TEX9: variants seen among roughly 807,000 people sequenced by gnomAD.
TEX9 encodes the protein testis expressed 9.
In TEX9, 74 loss-of-function variants were observed where a neutral mutation model predicts 59.6. The observed-to-expected ratio is 1.24, with a 90% confidence interval of 1.03 to 1.51. The LOEUF (loss-of-function observed/expected upper bound fraction) is 1.51, where lower values mean the gene tolerates loss of function less well. TEX9 is among the 40% of genes most tolerant of loss of function. The pLI is 0.00. For missense variants in TEX9, 522 were observed against 447.8 expected (o/e 1.17, Z -1.49); for synonymous variants, 186 against 152.2 (o/e 1.22, Z -1.64).
intron 1 of TEX9, among the ~76,000 whole-genome samples, chr15:56,328,397 A>G (rs1399076252): frequency 6.6e-6 from 1 of 152,020 alleles, no homozygotes; most frequent in Non-Finnish European, 1.5e-5. Flanking sequence ...TGTGGTGACT[A>G]TGGTGATAAA....
chr15:56,281,079 A>G (rs1029045087), intron 1 of TEX9, among the ~76,000 whole-genome samples: 3 of 152,210 alleles, frequency 2.0e-5, no homozygotes, highest in African/African-American at 4.8e-5. Flanking sequence ...AAGAGGTTAA[A>G]TGACATCTGA....
chr15:56,283,850 G>C (rs1312371660), intron 1 of TEX9, among the ~76,000 whole-genome samples: 1 of 152,050 alleles, frequency 6.6e-6, no homozygotes, highest in Non-Finnish European at 1.5e-5. Flanking sequence ...TAAATTTGTT[G>C]AAACACTAAG....
intron 1 of TEX9, among the ~76,000 whole-genome samples, chr15:56,244,725 A>G (rs1412640691): frequency 6.6e-6 from 1 of 152,064 alleles, no homozygotes; most frequent in African/African-American, 2.4e-5. Flanking sequence ...AAACGCATGT[A>G]GTACTCACAA....
At chr15:56,380,705 C>G (rs1166271992) in intron 3 of TEX9, among the ~76,000 whole-genome samples, 2 of 152,024 alleles carry the variant, frequency 1.3e-5, no homozygotes, top group Admixed American at 1.3e-4. Context: ...AGGTTAAAAT[C>G]TATATTTTTT....
Position 56,330,772 on chromosome 15 carries a change from G to GA in TEX9, c.-106-42659dup, listed in dbSNP as rs202192979. Among the ~76,000 whole-genome samples the GA allele has an allele frequency of 1.2e-3, 177 of 145,944 alleles. 1 individual carries two copies. The highest frequency in any genetic ancestry group is 8.2e-3 in the East Asian group (41 of 5,016). On this transcript the variant is annotated intron_variant, in intron 1 of 5. Coordinates refer to the TEX9 transcript ENST00000560827. ...AGAAGAGAAGGCCACAAAACCACCA[G>GA]AAAAAAAAAATGGTTGGAGTAAGTT...
downstream of TEX9, among the ~76,000 whole-genome samples, chr15:56,450,453 C>G (rs185262674): frequency 9.2e-5 from 14 of 152,228 alleles, no homozygotes; most frequent in South Asian, 2.7e-3. Context: ...AATTCCTAAT[C>G]TGCATTTTGT....
At chr15:56,448,041 T>C (rs1428652188), downstream of TEX9, among the ~76,000 whole-genome samples, 1 of 152,232 alleles carries the variant, frequency 6.6e-6, no homozygotes, top group Non-Finnish European at 1.5e-5. Flanking sequence ...TGCTTATCTA[T>C]TCACATGCTG....
At chr15:56,302,110 T>C (rs1676639279) in intron 1 of TEX9, among the ~76,000 whole-genome samples, 1 of 152,236 alleles carries the variant, frequency 6.6e-6, no homozygotes, top group African/African-American at 2.4e-5. Flanking sequence ...TGTTTGCTTT[T>C]GTTAGCAGTG....
intron 1 of TEX9, among the ~76,000 whole-genome samples, chr15:56,253,591 G>C (rs1243944778): frequency 1.3e-5 from 2 of 152,100 alleles, no homozygotes; most frequent in Non-Finnish European, 2.9e-5. Flanking sequence ...GCTACTCTCA[G>C]AAGGGTTCTC....
At chr15:56,418,847 A>G (rs2049830446) in intron 10 of TEX9, among the ~76,000 whole-genome samples, 1 of 151,986 alleles carries the variant, frequency 6.6e-6, no homozygotes, top group African/African-American at 2.4e-5. Flanking sequence ...AACCAAGCCA[A>G]TAAATGCCTT....
chr15:56,383,955 G>C (rs768631114), exon 4 of TEX9: 1 of 1,609,906 alleles, frequency 6.2e-7, no homozygotes, highest in South Asian at 1.1e-5. Flanking sequence ...ATTTAAGAGA[G>C]ATCGGCAAGA....
At chr15:56,373,403 A>C in intron 2 of TEX9, 38 bp from the exon 3 acceptor site, 1 of 1,569,760 alleles carries the variant, frequency 6.4e-7, no homozygotes, top group Non-Finnish European at 8.6e-7. Flanking sequence ...TATTTTTGTT[A>C]AGATCTTCAG....
intron 1 of TEX9, among the ~76,000 whole-genome samples, chr15:56,304,071 A>C (rs558244347): frequency 2.8e-4 from 43 of 152,332 alleles, no homozygotes; most frequent in South Asian, 2.3e-3. Flanking sequence ...CAAACACTTA[A>C]AGAACTAATA....
chr15:56,365,311 C>T, upstream of TEX9: 1 of 1,194,518 alleles, frequency 8.4e-7, no homozygotes. Context: ...GCCGAGCCCG[C>T]TGCCAGAGGC....
intron 1 of TEX9, among the ~76,000 whole-genome samples, chr15:56,340,608 A>ACAG (rs2046354267): frequency 6.6e-6 from 1 of 152,156 alleles, no homozygotes; most frequent in Non-Finnish European, 1.5e-5. Context: ...CCTTAGATCA[A>ACAG]CAGACTCTCT....
At chr15:56,459,370 C>T in the TEX9 span, among the ~76,000 whole-genome samples, 2 of 152,150 alleles carry the variant, frequency 1.3e-5, no homozygotes, top group African/African-American at 4.8e-5. Flanking sequence ...AGCTGACTGG[C>T]ATCTGGGTTT....
intron 12 of TEX9, among the ~76,000 whole-genome samples, chr15:56,432,664 TTAGTCTGATTTC>T (rs1362667336): frequency 6.6e-6 from 1 of 152,214 alleles, no homozygotes; most frequent in East Asian, 1.9e-4. Flanking sequence ...CATTTAGTTT[TTAGTCTGATTTC>T]TAGTTAGTTG....
intron 1 of TEX9, among the ~76,000 whole-genome samples, chr15:56,322,450 G>A (rs1459544834): frequency 6.6e-6 from 1 of 152,140 alleles, no homozygotes; most frequent in African/African-American, 2.4e-5. Context: ...GAGTTTTAGT[G>A]TGGAAGGAGT....
At chr15:56,271,330 G>A (rs1184716435) in intron 1 of TEX9, among the ~76,000 whole-genome samples, 15 of 152,016 alleles carry the variant, frequency 9.9e-5, no homozygotes, top group East Asian at 1.9e-4. Context: ...GGCTTTGTTC[G>A]TTTCTTTTTA....
Sources: gnomAD v4.1 joint callset for allele counts (sites outside exome capture counted in the v4.1 genomes callset) on GRCh38, gnomAD v4.1.1 for gene constraint, MANE v1.5 for transcripts, NCBI Gene and HGNC (gene_info 2026-07-23, HGNC 2026-07-21) for gene names.